Variants in DLGAP1 observed in about 807,000 individuals in gnomAD.
The protein encoded by DLGAP1 is disks large-associated protein 1.
A neutral mutation model predicts 90.8 loss-of-function variants in DLGAP1; 11 were observed. The observed-to-expected ratio is 0.12, with a 90% confidence interval of 0.08 to 0.20. DLGAP1 has a LOEUF of 0.20. Ranked by LOEUF, DLGAP1 falls within the 10% of genes least tolerant of loss-of-function variation. The pLI, the probability that DLGAP1 is intolerant of heterozygous loss-of-function variation, is 1.00. For synonymous variants in DLGAP1, 558 were observed against 540.7 expected, an observed-to-expected ratio of 1.03 and a Z score of -0.44; for missense variants, 1,050 against 1,333.8, an observed-to-expected ratio of 0.79 and a Z score of 3.31.
At chr18:4,365,653 A>G (rs1422631792) in intron 1 of DLGAP1, among the ~76,000 whole-genome samples, 1 of 152,142 alleles carries the variant, frequency 6.6e-6, no homozygotes, top group Non-Finnish European at 1.5e-5. Context: ...AAATTAAAGA[A>G]ATTCAATATT....
chr18:4,214,742 G>T (rs2077917429), intron 1 of DLGAP1, among the ~76,000 whole-genome samples: 1 of 152,084 alleles, frequency 6.6e-6, no homozygotes, highest in Non-Finnish European at 1.5e-5. Flanking sequence ...GTAGCCAGGG[G>T]ACTAGAATTA....
chr18:3,662,457 A>G (rs1346930913), intron 7 of DLGAP1, among the ~76,000 whole-genome samples: 1 of 152,218 alleles, frequency 6.6e-6, no homozygotes, highest in Non-Finnish European at 1.5e-5. Context: ...TTTAACAGAA[A>G]GAAACCCAGT....
intron 3 of DLGAP1, among the ~76,000 whole-genome samples, chr18:3,962,139 C>G (rs765002215): frequency 1.3e-5 from 2 of 152,156 alleles, no homozygotes; most frequent in African/African-American, 4.8e-5. Context: ...CACAATCAGG[C>G]AGTTACGTCT....
chr18:4,120,887 T>C (rs2144106834), intron 2 of DLGAP1, among the ~76,000 whole-genome samples: 1 of 152,266 alleles, frequency 6.6e-6, no homozygotes, highest in South Asian at 2.1e-4. Context: ...GTTACTAGGC[T>C]AGATACTGGG....
intron 2 of DLGAP1, among the ~76,000 whole-genome samples, chr18:4,033,315 C>T (rs555041345): frequency 1.3e-5 from 2 of 151,742 alleles, no homozygotes; most frequent in South Asian, 4.2e-4. Context: ...ACAAGATTGT[C>T]TTCAAGGTCC....
At chr18:3,791,603 A>G (rs562304165) in intron 5 of DLGAP1, among the ~76,000 whole-genome samples, 97 of 152,310 alleles carry the variant, frequency 6.4e-4, no homozygotes, top group African/African-American at 2.2e-3. Context: ...CAAAAACACA[A>G]TATTTACTTA....
chr18:3,789,037 G>A (rs12458113), intron 5 of DLGAP1, among the ~76,000 whole-genome samples: 19,502 of 152,178 alleles, frequency 0.13, 1,359 homozygotes, highest in Middle Eastern at 0.17. Flanking sequence ...AATTTAGCAC[G>A]TACTCTGTGC....
chr18:4,306,045 C>T (rs57555761), intron 1 of DLGAP1, among the ~76,000 whole-genome samples: 1 of 21,376 alleles, frequency 4.7e-5, no homozygotes, highest in African/African-American at 6.2e-5. Context: ...CACACACACA[C>T]ACACACACAC....
chr18:3,561,411 G>A (rs1468316147), intron 9 of DLGAP1, among the ~76,000 whole-genome samples: 2 of 136,622 alleles, frequency 1.5e-5, no homozygotes, highest in Admixed American at 7.5e-5. Flanking sequence ...ACTCCTTCCT[G>A]GGCGACAGAG....
At chr18:3,794,869 T>C (rs2065908339) in intron 5 of DLGAP1, among the ~76,000 whole-genome samples, 1 of 152,156 alleles carries the variant, frequency 6.6e-6, no homozygotes, top group Non-Finnish European at 1.5e-5. Context: ...GCGTCACTGG[T>C]TTCCTCTCGC....
intron 3 of DLGAP1, among the ~76,000 whole-genome samples, chr18:3,991,671 T>C (rs1470224): frequency 0.9 from 137,519 of 152,232 alleles, 62,262 homozygotes; most frequent in East Asian, 1. Flanking sequence ...GCTGAGACAG[T>C]GGAAAATACA....
chr18:4,035,045 T>C (rs1207132692), intron 2 of DLGAP1, among the ~76,000 whole-genome samples: 2 of 152,198 alleles, frequency 1.3e-5, no homozygotes, highest in African/African-American at 4.8e-5. Flanking sequence ...CCATGGTGTA[T>C]ATGTGCCGCA....
chr18:3,634,177 T>C (rs1226498913), intron 7 of DLGAP1, among the ~76,000 whole-genome samples: 1 of 152,114 alleles, frequency 6.6e-6, no homozygotes, highest in African/African-American at 2.4e-5. Flanking sequence ...ATGAGTATTA[T>C]AGAGACTTTT....
intron 1 of DLGAP1, among the ~76,000 whole-genome samples, chr18:4,282,188 C>G (rs1421630600): frequency 6.6e-6 from 1 of 151,992 alleles, no homozygotes; most frequent in African/African-American, 2.4e-5. Flanking sequence ...CACGGTGAAA[C>G]TCCGTCTCTA....
At chr18:4,343,871 T>A (rs1463746417) in intron 1 of DLGAP1, among the ~76,000 whole-genome samples, 1 of 152,176 alleles carries the variant, frequency 6.6e-6, no homozygotes, top group Non-Finnish European at 1.5e-5. Flanking sequence ...TATAATCTCC[T>A]CCGGAAAGGA....
chr18:4,292,684 T>C lies in DLGAP1; in HGVS notation c.-266-141397A>G, dbSNP rs117718480. Among the ~76,000 whole-genome samples, 10 of 152,236 alleles carry C rather than the reference T, an allele frequency of 6.6e-5. No homozygotes were observed. The East Asian group carries it at 7.7e-4, about 12-fold the overall frequency. ...GAATGTGGCTTGAAGGTTAAATACA[T>C]ACACATACAAACTAAAAATTCTTGC... On this transcript the variant is annotated intron_variant, in intron 1 of 12. Transcript: ENST00000315677.
chr18:3,969,213 T>G (rs1332099790), intron 3 of DLGAP1, among the ~76,000 whole-genome samples: 1 of 152,184 alleles, frequency 6.6e-6, no homozygotes, highest in Non-Finnish European at 1.5e-5. Context: ...CTGCCAAATT[T>G]TACAGCAATT....
intron 1 of DLGAP1, among the ~76,000 whole-genome samples, chr18:4,266,839 T>G (rs940175151): frequency 5.9e-5 from 9 of 152,234 alleles, no homozygotes; most frequent in Non-Finnish European, 1.2e-4. Flanking sequence ...AATCAGCATA[T>G]GGGCTATATG....
intron 7 of DLGAP1, among the ~76,000 whole-genome samples, chr18:3,669,889 C>T (rs187103790): frequency 6.6e-6 from 1 of 152,206 alleles, no homozygotes; most frequent in Non-Finnish European, 1.5e-5. Context: ...GAACACCCTG[C>T]GACACACGAC....
Sources: gnomAD v4.1 joint callset for allele counts (sites outside exome capture counted in the v4.1 genomes callset) on GRCh38, gnomAD v4.1.1 for gene constraint, MANE v1.5 for transcripts, NCBI Gene and HGNC (gene_info 2026-07-23, HGNC 2026-07-21) for gene names.